UMAD1: variants seen among roughly 807,000 people sequenced by gnomAD.
UMAD1 encodes UBAP1-MVB12-associated (UMA)-domain containing protein 1.
A neutral mutation model predicts 6.1 loss-of-function variants in UMAD1; 8 were observed. That is an observed-to-expected ratio of 1.30 (90% CI 0.76 to 2.35). UMAD1 has a LOEUF of 2.35. Ranked by LOEUF, UMAD1 falls within the 30% of genes most tolerant of loss-of-function variation. The pLI is 0.00. For missense variants in UMAD1, 130 were observed against 78.4 expected (o/e 1.66, Z -2.49); for synonymous variants, 56 against 31.4 (o/e 1.78, Z -2.61).
intron 2 of UMAD1, among the ~76,000 whole-genome samples, chr7:7,716,147 G>A (rs907238031): frequency 6.6e-6 from 1 of 152,034 alleles, no homozygotes; most frequent in East Asian, 1.9e-4. Context: ...AGAGGAGGAG[G>A]AGATAAGAGC....
intron 2 of UMAD1, among the ~76,000 whole-genome samples, chr7:7,697,134 T>A (rs1312974105): frequency 1.3e-5 from 2 of 152,212 alleles, no homozygotes; most frequent in Non-Finnish European, 2.9e-5. Flanking sequence ...ATTTAAAAAA[T>A]TATTTTTTCA....
chr7:7,754,450 A>G (rs1316716333), intron 2 of UMAD1, among the ~76,000 whole-genome samples: 1 of 151,916 alleles, frequency 6.6e-6, no homozygotes, highest in Non-Finnish European at 1.5e-5. Context: ...TTTTAATCGG[A>G]TTATTAGTTT....
At chr7:7,742,328 T>TA in intron 2 of UMAD1, 1 of 615,780 alleles carries the variant, frequency 1.6e-6, no homozygotes, top group South Asian at 1.4e-5. Context: ...TTTGATAGTG[T>TA]AGTGGTTAAG....
chr7:7,732,763 G>T (rs748509733), intron 2 of UMAD1, among the ~76,000 whole-genome samples: 1 of 152,182 alleles, frequency 6.6e-6, no homozygotes, highest in Non-Finnish European at 1.5e-5. Flanking sequence ...AGTGGGATAG[G>T]TCAAGTTTAA....
chr7:7,680,501 A>G (rs1383048376), intron 2 of UMAD1, among the ~76,000 whole-genome samples: 2 of 152,192 alleles, frequency 1.3e-5, no homozygotes, highest in African/African-American at 4.8e-5. Context: ...GTTTTTGCTT[A>G]GAACAGTTTT....
chr7:7,695,970 T>C (rs552664455), intron 2 of UMAD1, among the ~76,000 whole-genome samples: 1 of 148,858 alleles, frequency 6.7e-6, no homozygotes, highest in South Asian at 2.1e-4. Context: ...AACCCTACTG[T>C]GTATATCTCC....
At chr7:7,771,809 G>C (rs181493893) in intron 2 of UMAD1, among the ~76,000 whole-genome samples, 261 of 152,198 alleles carry the variant, frequency 1.7e-3, no homozygotes, top group African/African-American at 6.1e-3. Flanking sequence ...GGAGGGGCTG[G>C]TGCCTCAGGA....
chr7:7,653,153 A>G (rs983844509), intron 1 of UMAD1, among the ~76,000 whole-genome samples: 4 of 152,022 alleles, frequency 2.6e-5, no homozygotes, highest in Non-Finnish European at 4.4e-5. Flanking sequence ...GTGTTTTTTC[A>G]TTTTCAAAAT....
At chr7:7,780,530 A>T (rs1025785133) in intron 2 of UMAD1, among the ~76,000 whole-genome samples, 1 of 152,228 alleles carries the variant, frequency 6.6e-6, no homozygotes, top group Non-Finnish European at 1.5e-5. Context: ...TGCACAAACG[A>T]TAAGTTTGAT....
At chr7:7,652,806 C>T (rs930348733) in intron 1 of UMAD1, among the ~76,000 whole-genome samples, 4 of 152,244 alleles carry the variant, frequency 2.6e-5, no homozygotes, top group Middle Eastern at 6.8e-3. Context: ...AGTAGTAAGC[C>T]TTCTGATGAT....
intron 1 of UMAD1, among the ~76,000 whole-genome samples, chr7:7,670,129 AG>A (rs1779569815): frequency 1.3e-5 from 2 of 152,206 alleles, no homozygotes; most frequent in Admixed American, 6.5e-5. Flanking sequence ...GGTTAAAAAC[AG>A]GTTGTTTGTT....
At chr7:7,730,409 C>T (rs1446049391) in intron 2 of UMAD1, among the ~76,000 whole-genome samples, 1 of 152,172 alleles carries the variant, frequency 6.6e-6, no homozygotes, top group East Asian at 1.9e-4. Context: ...GACTGATGGA[C>T]ATGTTTGCTG....
chr7:7,714,694 C>T (rs1780849128), intron 2 of UMAD1, among the ~76,000 whole-genome samples: 1 of 152,014 alleles, frequency 6.6e-6, no homozygotes, highest in Non-Finnish European at 1.5e-5. Flanking sequence ...CATCAGGTGT[C>T]CCTAACTGCA....
Position 7,713,065 on chromosome 7 carries a change from G to A in UMAD1, c.82+39612G>A, listed in dbSNP as rs377693566. On this transcript the variant is annotated intron_variant, in intron 2 of 3. Transcript: ENST00000682710. Reference sequence around the variant, plus strand: ...TTCAAAAAATATTCTAGGGCCGCGCGCGGTGGCTCACACCTATAATCCCAG... The same window carrying A: ...TTCAAAAAATATTCTAGGGCCGCGCACGGTGGCTCACACCTATAATCCCAG... 2.2e-4 allele frequency among the ~76,000 whole-genome samples: 33 copies of A among 152,104 alleles called. 1 individual carries two copies. Among genetic ancestry groups the A allele is most frequent in the African/African-American group, 7.7e-4 (32 of 41,474 alleles).
intron 1 of UMAD1, among the ~76,000 whole-genome samples, chr7:7,669,132 G>A (rs1018173917): frequency 1.3e-5 from 2 of 152,012 alleles, no homozygotes; most frequent in Non-Finnish European, 2.9e-5. Flanking sequence ...CATTACTTGG[G>A]GGAACCTTTT....
At chr7:7,734,259 G>A (rs751039194) in intron 2 of UMAD1, among the ~76,000 whole-genome samples, 20 of 152,172 alleles carry the variant, frequency 1.3e-4, no homozygotes, top group Admixed American at 2.0e-4. Flanking sequence ...GGGTGTGCCA[G>A]GTCAAATTAG....
intron 2 of UMAD1, among the ~76,000 whole-genome samples, chr7:7,777,300 T>A (rs1441472634): frequency 6.7e-6 from 1 of 149,122 alleles, no homozygotes; most frequent in Non-Finnish European, 1.5e-5. Context: ...AGGCCAGGAG[T>A]TCAAGACCAG....
At chr7:7,763,529 C>A (rs7811258) in intron 2 of UMAD1, among the ~76,000 whole-genome samples, 40,640 of 152,040 alleles carry the variant, frequency 0.27, 5,489 homozygotes, top group African/African-American at 0.33. Flanking sequence ...TGACATTTTT[C>A]CAGTCATTGG....
intron 2 of UMAD1, among the ~76,000 whole-genome samples, chr7:7,676,520 A>G (rs1368235793): frequency 6.6e-6 from 1 of 152,210 alleles, no homozygotes; most frequent in Non-Finnish European, 1.5e-5. Context: ...ATTCTAAGAC[A>G]TTATTGACAT....
Sources: allele counts gnomAD v4.1 joint callset (sites outside exome capture counted in the v4.1 genomes callset), GRCh38; gene constraint gnomAD v4.1.1; transcripts MANE v1.5; gene names NCBI Gene and HGNC (gene_info 2026-07-23, HGNC 2026-07-21).